Variants in KLHL7 observed in about 807,000 individuals in gnomAD.
KLHL7 encodes the protein kelch like family member 7.
In KLHL7, 44 loss-of-function variants were observed where a neutral mutation model predicts 67.4. The observed-to-expected ratio is 0.65, with a 90% CI of 0.51 to 0.84. The LOEUF is 0.84. Among genes scored for constraint, KLHL7 ranks in the 40% least tolerant of loss-of-function variants. The pLI is 0.00. For synonymous variants in KLHL7, 252 were observed against 243.3 expected, an observed-to-expected ratio of 1.04 and a Z score of -0.33; for missense variants, 362 against 718.1, an observed-to-expected ratio of 0.50 and a Z score of 5.67.
chr7:23,108,736 C>T (rs1031266805), intron 1 of KLHL7, among the ~76,000 whole-genome samples: 1 of 152,178 alleles, frequency 6.6e-6, no homozygotes, highest in Non-Finnish European at 1.5e-5. Context: ...GTCTGCAGCA[C>T]ATCGGCAAAA....
chr7:23,134,051 G>T (rs1362714680), intron 4 of KLHL7, among the ~76,000 whole-genome samples: 1 of 152,146 alleles, frequency 6.6e-6, no homozygotes. Context: ...CAGGCTTTCA[G>T]TTTTTCCCCA....
At chr7:23,106,766 C>G (rs991621134) in intron 1 of KLHL7, 1 of 985,132 alleles carries the variant, frequency 1.0e-6, no homozygotes, top group Admixed American at 6.2e-5. Context: ...GTGGTGCATT[C>G]GTGAAATTCT....
intron 6 of KLHL7, among the ~76,000 whole-genome samples, chr7:23,145,247 C>T (rs1277495417): frequency 2.7e-5 from 4 of 148,526 alleles, no homozygotes; most frequent in Admixed American, 1.3e-4. Context: ...TTTTAATTAT[C>T]CATCTTTGTC....
chr7:23,147,689 T>C (rs1784401961), intron 6 of KLHL7, among the ~76,000 whole-genome samples: 1 of 152,192 alleles, frequency 6.6e-6, no homozygotes, highest in African/African-American at 2.4e-5. Flanking sequence ...TTCTCCTCAA[T>C]AGAACGGTGT....
At chr7:23,120,135 A>C (rs1025497316) in intron 1 of KLHL7, among the ~76,000 whole-genome samples, 1 of 152,004 alleles carries the variant, frequency 6.6e-6, no homozygotes, top group Non-Finnish European at 1.5e-5. Flanking sequence ...TCAGCCTCCC[A>C]AGTAGCTGGG....
chr7:23,107,761 A>C (rs79802259), intron 1 of KLHL7, among the ~76,000 whole-genome samples: 1 of 152,180 alleles, frequency 6.6e-6, no homozygotes. Flanking sequence ...TGATTAACTG[A>C]CCTTAATCTG....
At chr7:23,123,068 G>A (rs776560925) in intron 1 of KLHL7, among the ~76,000 whole-genome samples, 6 of 151,834 alleles carry the variant, frequency 4.0e-5, no homozygotes, top group South Asian at 2.1e-4. Context: ...TTATTATTCC[G>A]TTTTCCCCAC....
At chr7:23,152,738 C>T (rs1784577591) in intron 7 of KLHL7, among the ~76,000 whole-genome samples, 2 of 151,934 alleles carry the variant, frequency 1.3e-5, no homozygotes, top group South Asian at 4.2e-4. Context: ...GTCAGGAGAG[C>T]TTGAGTCATA....
intron 1 of KLHL7, among the ~76,000 whole-genome samples, chr7:23,116,336 C>A (rs1413256913): frequency 6.6e-6 from 1 of 152,206 alleles, no homozygotes; most frequent in Admixed American, 6.5e-5. Flanking sequence ...CTCCTCAAAA[C>A]CTTGCTTTTC....
chr7:23,114,214 G>A (rs1435877725), intron 1 of KLHL7, among the ~76,000 whole-genome samples: 2 of 152,178 alleles, frequency 1.3e-5, no homozygotes, highest in African/African-American at 4.8e-5. Context: ...CATAAGCTGG[G>A]TTTGGGCCAA....
At chr7:23,110,360 G>T (rs911412671) in intron 1 of KLHL7, among the ~76,000 whole-genome samples, 1 of 152,110 alleles carries the variant, frequency 6.6e-6, no homozygotes, top group Non-Finnish European at 1.5e-5. Context: ...TTCTACCTAG[G>T]CTTTGGCTTC....
intron 1 of KLHL7, among the ~76,000 whole-genome samples, chr7:23,122,034 G>A (rs1783373123): frequency 6.6e-6 from 1 of 152,086 alleles, no homozygotes; most frequent in Admixed American, 6.5e-5. Context: ...GCAAATAAAT[G>A]TACCATTTGG....
intron 4 of KLHL7, among the ~76,000 whole-genome samples, chr7:23,140,428 G>C (rs1186450951): frequency 1.3e-5 from 2 of 152,212 alleles, no homozygotes; most frequent in African/African-American, 4.8e-5. Flanking sequence ...GTGGTGGCGA[G>C]CACCTGTAGT....
At chr7:23,110,572 G>A (rs1329157527) in intron 1 of KLHL7, among the ~76,000 whole-genome samples, 1 of 151,490 alleles carries the variant, frequency 6.6e-6, no homozygotes, top group African/African-American at 2.4e-5. Flanking sequence ...CCATTAAGAT[G>A]AAAAGCTGAG....
chr7:23,123,731 A>G, intron 1 of KLHL7, 46 bp from the exon 2 acceptor site: 2 of 1,307,268 alleles, frequency 1.5e-6, no homozygotes, highest in South Asian at 1.2e-5. Flanking sequence ...TTGCCAAGCT[A>G]GGCTAGTGAG....
chr7:23,121,412 C>T (rs1783332462), intron 1 of KLHL7, among the ~76,000 whole-genome samples: 1 of 152,058 alleles, frequency 6.6e-6, no homozygotes, highest in South Asian at 2.1e-4. Flanking sequence ...TCAGCACCAC[C>T]CCCACCTCCA....
At position 23,165,868 on chromosome 7, in the gene KLHL7, G is replaced by A. The variant is rs150952945; in HGVS notation, c.1107G>A (p.Pro369=). 6.2e-6 allele frequency: 10 copies of A among 1,614,112 alleles called. No individual in the cohort carries two copies. Among genetic ancestry groups the A allele is most frequent in the Admixed American group, 1.7e-5 (1 of 60,022 alleles). ...KDSWYSKLGP[P]TPRDSLAACA... The stretch of plus-strand genomic sequence containing the variant: ...GCTGGTATTCGAAACTGGGTCCTCC[G>A]ACACCTCGAGACAGCCTTGCTGCAT... Residue 369 remains proline, a synonymous_variant, in exon 8 of 11, where the codon CCG becomes CCA. Transcript: ENST00000339077.
chr7:23,164,806 G>A (rs756804309), intron 7 of KLHL7, among the ~76,000 whole-genome samples: 8 of 152,172 alleles, frequency 5.3e-5, no homozygotes, highest in African/African-American at 1.7e-4. Flanking sequence ...AGATTTTCTC[G>A]AAGGAAACTC....
At position 23,105,973 on chromosome 7, in the gene KLHL7, T is replaced by C; in HGVS notation, c.-54T>C. ...TAGAATCCCCAGTGTGCCCAGAGAG[T>C]GCGACCCCTCGCCCGGCCCGGCGAG... is the stretch of plus-strand genomic sequence containing the variant. On this transcript the variant is annotated 5_prime_UTR_variant, in exon 1 of 11. Coordinates refer to ENST00000339077, the MANE Select transcript of KLHL7 (RefSeq NM_001031710.3). 6.3e-7 allele frequency: 1 copy of C among 1,586,782 alleles called. No homozygotes were observed. Among genetic ancestry groups the C allele is most frequent in the South Asian group, 1.1e-5 (1 of 87,192 alleles).
Sources: gnomAD v4.1 joint callset for allele counts (sites outside exome capture counted in the v4.1 genomes callset) on GRCh38, gnomAD v4.1.1 for gene constraint, MANE v1.5 for transcripts, NCBI Gene and HGNC (gene_info 2026-07-23, HGNC 2026-07-21) for gene names.